Variants in ZBTB20 observed in about 807,000 individuals in gnomAD.
The protein encoded by ZBTB20 is zinc finger and BTB domain-containing protein 20.
A neutral mutation model predicts 56.9 loss-of-function variants in ZBTB20; 9 were observed. The ratio of observed to expected loss-of-function variants is 0.16; its 90% CI spans 0.10 to 0.28. The LOEUF is 0.28. Ranked by LOEUF, ZBTB20 falls within the 10% of genes least tolerant of loss-of-function variation. ZBTB20 has a pLI of 1.00. For missense variants in ZBTB20, 655 were observed against 1,003.0 expected (o/e 0.65, Z 4.69); for synonymous variants, 417 against 420.7 (o/e 0.99, Z 0.11).
chr3:114,520,940 C>T (rs955101751), intron 6 of ZBTB20, among the ~76,000 whole-genome samples: 11 of 152,202 alleles, frequency 7.2e-5, no homozygotes, highest in African/African-American at 2.6e-4. Flanking sequence ...TTTTATCTCA[C>T]CTTCAAATAA....
intron 7 of ZBTB20, among the ~76,000 whole-genome samples, chr3:114,475,258 C>A (rs1360974085): frequency 6.6e-6 from 1 of 152,036 alleles, no homozygotes; most frequent in Non-Finnish European, 1.5e-5. Context: ...AAGCCCAAAT[C>A]CAGTGTCATC....
At chr3:114,401,940 A>G (rs1280815355) in intron 7 of ZBTB20, among the ~76,000 whole-genome samples, 2 of 152,218 alleles carry the variant, frequency 1.3e-5, no homozygotes, top group Non-Finnish European at 2.9e-5. Context: ...CACCTTGCCC[A>G]TGCTAGGAAA....
rs2079312740 is a variant in ZBTB20, at chr3:114,332,890, A to G, written c.*6115T>C. 2 of 151,290 alleles carry G rather than the reference A, an allele frequency of 1.3e-5. No individual in the cohort carries two copies. The highest frequency in any genetic ancestry group is 4.8e-5 in the African/African-American group (2 of 41,454). The allele number at this position is 151,290 out of a possible 1,614,324, so 9.4% of individuals were successfully genotyped here. On this transcript the variant is annotated 3_prime_UTR_variant, in exon 12 of 12. Transcript: ENST00000675478. ...AAGATAATGTTTCTTGTTTCAACCCAGGGCATTTTTACCCATCATGCAGTG... is the reference window on the plus strand; with the variant it reads ...AAGATAATGTTTCTTGTTTCAACCCGGGGCATTTTTACCCATCATGCAGTG...
chr3:114,917,815 G>A (rs1266249134), intron 3 of ZBTB20, among the ~76,000 whole-genome samples: 1 of 152,190 alleles, frequency 6.6e-6, no homozygotes, highest in African/African-American at 2.4e-5. Context: ...CTGAGACTGT[G>A]CTGGGTCTGA....
intron 2 of ZBTB20, among the ~76,000 whole-genome samples, chr3:115,052,168 T>C (rs1010924113): frequency 2.6e-5 from 4 of 152,074 alleles, no homozygotes; most frequent in African/African-American, 9.7e-5. Context: ...TTTCTAAAGA[T>C]AAAAGTGTGG....
At chr3:115,036,201 C>A (rs1045989825) in intron 2 of ZBTB20, among the ~76,000 whole-genome samples, 1 of 150,918 alleles carries the variant, frequency 6.6e-6, no homozygotes, top group Non-Finnish European at 1.5e-5. Flanking sequence ...CCAAACTGTA[C>A]AGTTAAAATT....
At chr3:114,985,156 A>G (rs2078484374) in intron 2 of ZBTB20, among the ~76,000 whole-genome samples, 1 of 152,114 alleles carries the variant, frequency 6.6e-6, no homozygotes, top group Admixed American at 6.6e-5. Flanking sequence ...CGATTTTCCT[A>G]CATTAAGGAG....
chr3:114,842,302 A>T (rs1250694699), intron 4 of ZBTB20, among the ~76,000 whole-genome samples: 1 of 152,002 alleles, frequency 6.6e-6, no homozygotes, highest in South Asian at 2.1e-4. Context: ...TATATTAAAA[A>T]TTTTCTCCAT....
intron 5 of ZBTB20, among the ~76,000 whole-genome samples, chr3:114,747,937 A>ACAAAC (rs1313164613): frequency 0.013 from 27 of 2,132 alleles, 6 homozygotes; most frequent in African/African-American, 0.013. Flanking sequence ...AAAAAAAAAA[A>ACAAAC]AAAAAAAAAA....
At chr3:114,478,830 A>C (rs2041176423) in intron 7 of ZBTB20, among the ~76,000 whole-genome samples, 1 of 152,174 alleles carries the variant, frequency 6.6e-6, no homozygotes, top group African/African-American at 2.4e-5. Flanking sequence ...AAAAATAGAT[A>C]CCAAATTAAG....
chr3:114,704,558 G>T (rs988685662), intron 5 of ZBTB20, among the ~76,000 whole-genome samples: 4 of 152,074 alleles, frequency 2.6e-5, no homozygotes, highest in Non-Finnish European at 4.4e-5. Context: ...ACAGGAAAAA[G>T]AATATCTTAA....
chr3:114,943,969 G>T (rs557164836), intron 3 of ZBTB20, among the ~76,000 whole-genome samples: 1 of 141,018 alleles, frequency 7.1e-6, no homozygotes, highest in South Asian at 2.2e-4. Flanking sequence ...AATCAAAAAG[G>T]CAATCTCAAA....
intron 1 of ZBTB20, among the ~76,000 whole-genome samples, chr3:115,133,715 T>C (rs1222933229): frequency 6.6e-6 from 1 of 152,216 alleles, no homozygotes. Context: ...ACTTCATTAT[T>C]TTTTATGGCT....
chr3:114,366,478 G>A (rs895088547), intron 10 of ZBTB20, among the ~76,000 whole-genome samples: 10 of 152,024 alleles, frequency 6.6e-5, no homozygotes, highest in African/African-American at 1.2e-4. Flanking sequence ...TCTAATTTGC[G>A]TCTTTGGATT....
intron 4 of ZBTB20, among the ~76,000 whole-genome samples, chr3:114,833,783 T>C (rs1253710511): frequency 6.6e-6 from 1 of 151,424 alleles, no homozygotes; most frequent in South Asian, 2.1e-4. Context: ...AATCCTCTCC[T>C]TGGTCTCCCA....
intron 7 of ZBTB20, among the ~76,000 whole-genome samples, chr3:114,485,545 G>A (rs188236354): frequency 7.3e-4 from 111 of 152,124 alleles, no homozygotes; most frequent in African/African-American, 2.6e-3. Context: ...TTATTACAAC[G>A]GTCAAAAATT....
In ZBTB20 at chr3:114,810,703, T is replaced by G. The variant is rs547155586; in HGVS notation, c.-416-9529A>C. Among the ~76,000 whole-genome samples the G allele has an allele frequency of 2.0e-5, 3 of 152,332 alleles. No homozygotes were observed. The East Asian group carries it at 5.8e-4, about 29-fold the overall frequency. ...TTAATCTATAGTGGGCATAAACGAC[T>G]TATGCCATATGCCATTTCTTCAGCG... On this transcript the variant is annotated intron_variant, in intron 4 of 11. Transcript: ENST00000675478.
intron 2 of ZBTB20, among the ~76,000 whole-genome samples, chr3:114,978,919 A>G (rs2078217228): frequency 6.6e-6 from 1 of 151,982 alleles, no homozygotes; most frequent in Non-Finnish European, 1.5e-5. Flanking sequence ...CCTGAATGTT[A>G]AGAAAGACAT....
chr3:115,118,911 G>A (rs1172418451), intron 1 of ZBTB20, among the ~76,000 whole-genome samples: 1 of 151,638 alleles, frequency 6.6e-6, no homozygotes, highest in Non-Finnish European at 1.5e-5. Context: ...ACTTTTAATA[G>A]CTATTATGAT....
Sources: gnomAD v4.1 joint callset for allele counts (sites outside exome capture counted in the v4.1 genomes callset) on GRCh38, gnomAD v4.1.1 for gene constraint, MANE v1.5 for transcripts, NCBI Gene and HGNC (gene_info 2026-07-23, HGNC 2026-07-21) for gene names.